The following SLC71A2 variants were observed in gnomAD, a reference collection of about 807,000 sequenced individuals.
The protein encoded by SLC71A2 is solute carrier family 71 member 2, also known as hippocampus abundant transcript-like 1.
At chr9:94,447,479 CTGTTTT>C in the SLC71A2 span, among the ~76,000 whole-genome samples, 13 of 131,566 alleles carry the variant, frequency 9.9e-5, no homozygotes, top group Admixed American at 3.2e-4. Context: ...TGTGCCCAGC[CTGTTTT>C]TTTTTTTTTT....
the SLC71A2 span, among the ~76,000 whole-genome samples, chr9:94,434,765 A>G: frequency 1.3e-5 from 2 of 152,220 alleles, no homozygotes; most frequent in African/African-American, 4.8e-5. Flanking sequence ...AATAATGGCA[A>G]ACTTTCTAAG....
At chr9:94,395,240 G>A in the SLC71A2 span, among the ~76,000 whole-genome samples, 1 of 151,906 alleles carries the variant, frequency 6.6e-6, no homozygotes. Flanking sequence ...AAATTAGGGA[G>A]CACTAGTTTT....
the SLC71A2 span, among the ~76,000 whole-genome samples, chr9:94,444,111 G>T: frequency 6.6e-6 from 1 of 152,168 alleles, no homozygotes; most frequent in East Asian, 1.9e-4. Context: ...AAATCCATTA[G>T]AAGTTTAAAA....
At chr9:94,422,162 T>C in the SLC71A2 span, among the ~76,000 whole-genome samples, 2 of 152,256 alleles carry the variant, frequency 1.3e-5, no homozygotes, top group Non-Finnish European at 2.9e-5. Context: ...TGAGCTACTG[T>C]GCCTGGCCAT....
the SLC71A2 span, among the ~76,000 whole-genome samples, chr9:94,407,017 C>T: frequency 1.3e-5 from 2 of 151,962 alleles, no homozygotes; most frequent in Non-Finnish European, 2.9e-5. Flanking sequence ...AGCCTTTTTC[C>T]AGCCTTTCCC....
At chr9:94,430,537 A>T in the SLC71A2 span, among the ~76,000 whole-genome samples, 1 of 152,182 alleles carries the variant, frequency 6.6e-6, no homozygotes, top group African/African-American at 2.4e-5. Context: ...TTCTGTTTTT[A>T]GTAGTGGTGT....
At chr9:94,454,644 G>A in the SLC71A2 span, among the ~76,000 whole-genome samples, 2 of 152,060 alleles carry the variant, frequency 1.3e-5, no homozygotes, top group African/African-American at 2.4e-5. Context: ...GATTACAGGC[G>A]TGAGCCACCG....
the SLC71A2 span, among the ~76,000 whole-genome samples, chr9:94,413,810 T>A: frequency 2.2e-3 from 331 of 152,370 alleles, 1 homozygote; most frequent in African/African-American, 7.6e-3. Context: ...CTCATGCTTC[T>A]GCAGTCACCT....
At chr9:94,400,931 C>T in the SLC71A2 span, among the ~76,000 whole-genome samples, 4 of 152,070 alleles carry the variant, frequency 2.6e-5, no homozygotes, top group East Asian at 1.9e-4. Context: ...TTGCTTTTTC[C>T]GGAATGCCCT....
At chr9:94,441,186 C>T in the SLC71A2 span, 15 of 605,100 alleles carry the variant, frequency 2.5e-5, no homozygotes, top group Non-Finnish European at 3.6e-5. Context: ...TTTATTAGTC[C>T]TTTCTTGCAC....
chr9:94,420,727 C>T, the SLC71A2 span, among the ~76,000 whole-genome samples: 9 of 151,460 alleles, frequency 5.9e-5, no homozygotes, highest in African/African-American at 1.9e-4. Context: ...AGTGAATCCC[C>T]GTCTCTACTA....
At chr9:94,457,378 T>G in the SLC71A2 span, among the ~76,000 whole-genome samples, 1 of 136,144 alleles carries the variant, frequency 7.3e-6, no homozygotes. Flanking sequence ...GAGAAAAATT[T>G]TTTAATGCCT....
chr9:94,448,929 G>C, the SLC71A2 span, among the ~76,000 whole-genome samples: 17 of 152,180 alleles, frequency 1.1e-4, no homozygotes, highest in Admixed American at 9.2e-4. Context: ...CACTACACCC[G>C]ATCTTTCCCA....
the SLC71A2 span, among the ~76,000 whole-genome samples, chr9:94,382,657 C>T: frequency 2.0e-5 from 3 of 151,782 alleles, no homozygotes; most frequent in African/African-American, 7.3e-5. Context: ...GAATTTCCTT[C>T]TATTTTTTCT....
the SLC71A2 span, among the ~76,000 whole-genome samples, chr9:94,412,490 GAA>G: frequency 6.6e-6 from 1 of 152,152 alleles, no homozygotes; most frequent in African/African-American, 2.4e-5. Flanking sequence ...ATAGCCAAGG[GAA>G]CTGGAAACAT....
At chr9:94,411,494 C>A in the SLC71A2 span, among the ~76,000 whole-genome samples, 2 of 152,062 alleles carry the variant, frequency 1.3e-5, no homozygotes, top group African/African-American at 4.8e-5. Context: ...CCAGTGATTT[C>A]AGTGGCCATT....
chr9:94,381,709 G>T, the SLC71A2 span, among the ~76,000 whole-genome samples: 1 of 152,098 alleles, frequency 6.6e-6, no homozygotes, highest in East Asian at 1.9e-4. Flanking sequence ...GGTGGCTCAT[G>T]CGTGTAATCC....
the SLC71A2 span, among the ~76,000 whole-genome samples, chr9:94,447,396 T>A: frequency 6.6e-6 from 1 of 151,400 alleles, no homozygotes; most frequent in South Asian, 2.1e-4. Context: ...GCCAGGTTGG[T>A]CTCGAACTCC....
the SLC71A2 span, chr9:94,445,069 G>T: frequency 6.2e-7 from 1 of 1,614,196 alleles, no homozygotes; most frequent in Non-Finnish European, 8.5e-7. Context: ...CACAGTGGTG[G>T]CTCTTCTGGA....
Sources: allele counts gnomAD v4.1 joint callset (sites outside exome capture counted in the v4.1 genomes callset), GRCh38; gene constraint gnomAD v4.1.1; transcripts MANE v1.5; gene names NCBI Gene and HGNC (gene_info 2026-07-23, HGNC 2026-07-21).